Variants in HPCAL1 observed in about 807,000 individuals in gnomAD.
The protein encoded by HPCAL1 is hippocalcin-like protein 1.
HPCAL1 carries 8 observed loss-of-function variants against 17.1 expected under a neutral mutation model. The ratio of observed to expected loss-of-function variants is 0.47; its 90% CI spans 0.27 to 0.84. The LOEUF is 0.84. HPCAL1 is among the 40% of genes least tolerant of loss of function. The pLI is 0.13. For missense variants in HPCAL1, 165 were observed against 271.1 expected (o/e 0.61, Z 2.75); for synonymous variants, 112 against 111.4 (o/e 1.01, Z -0.03).
chr2:10,341,631 A>G (rs976036681), intron 1 of HPCAL1, among the ~76,000 whole-genome samples: 1 of 152,110 alleles, frequency 6.6e-6, no homozygotes, highest in Admixed American at 6.6e-5. Context: ...TCAGAAACCT[A>G]AACACGAGCC....
chr2:10,409,409 G>A (rs1330011408), intron 2 of HPCAL1, among the ~76,000 whole-genome samples: 1 of 152,170 alleles, frequency 6.6e-6, no homozygotes, highest in South Asian at 2.1e-4. Flanking sequence ...ATCACCCAGG[G>A]GCAAAACGGG....
intron 1 of HPCAL1, among the ~76,000 whole-genome samples, chr2:10,373,997 C>T (rs1272597457): frequency 6.6e-6 from 1 of 152,216 alleles, no homozygotes; most frequent in African/African-American, 2.4e-5. Context: ...AAAGTCCGTC[C>T]TGGCCAAGTC....
chr2:10,351,969 C>G (rs1665872132), intron 1 of HPCAL1, among the ~76,000 whole-genome samples: 1 of 149,018 alleles, frequency 6.7e-6, no homozygotes. Context: ...GTGGCGCGAT[C>G]TCAGCTCACT....
chr2:10,408,099 T>C (rs1670086636), intron 2 of HPCAL1, among the ~76,000 whole-genome samples: 1 of 152,236 alleles, frequency 6.6e-6, no homozygotes, highest in South Asian at 2.1e-4. Flanking sequence ...CCTCTTCCTG[T>C]CGCAGTAGCA....
rs1446584226 is a variant in HPCAL1 at position 10,409,066 on chromosome 2, AATGAG to A, written c.-24-10665_-24-10661del. ...ATGTAATCAAGAAAGAGAAAGTATT[AATGAG>A]ATATTTTATGTTGTTTTTTTTCATA... On this transcript the variant is annotated intron_variant, in intron 2 of 4. Coordinates refer to ENST00000307845, the MANE Select transcript of HPCAL1 (RefSeq NM_002149.4). Among the ~76,000 whole-genome samples the A allele has an allele frequency of 4.6e-5, 7 of 152,228 alleles. No individual in the cohort carries two copies. In the East Asian group the frequency reaches 1.2e-3, roughly 25 times the overall value.
chr2:10,329,712 C>T (rs1664237424), intron 1 of HPCAL1, among the ~76,000 whole-genome samples: 1 of 152,250 alleles, frequency 6.6e-6, no homozygotes, highest in African/African-American at 2.4e-5. Context: ...GTGATCCCTT[C>T]CCCTGCTTCT....
intron 1 of HPCAL1, among the ~76,000 whole-genome samples, chr2:10,337,878 C>T (rs796707368): frequency 7.9e-5 from 12 of 152,310 alleles, no homozygotes; most frequent in African/African-American, 2.6e-4. Context: ...GCAGTACCTC[C>T]GAGCCTGCCC....
At position 10,363,664 on chromosome 2, in the gene HPCAL1, T is replaced by C. The variant is rs948369570; in HGVS notation, c.-110-33171T>C. ...CCCAGACCTGCTGAAGCCAAATCTT[T>C]AGGGTGGGGCCAGGAATCTGCATTT... On this transcript the variant is annotated intron_variant, in intron 1 of 4. Coordinates refer to ENST00000307845, the MANE Select transcript of HPCAL1 (RefSeq NM_002149.4). The surrounding 1 kb of genome is among the most constrained non-coding windows in gnomAD (Gnocchi z 4.7). Among the ~76,000 whole-genome samples the C allele has an allele frequency of 6.6e-6, 1 of 152,044 alleles. No individual in the cohort carries two copies.
intron 1 of HPCAL1, among the ~76,000 whole-genome samples, chr2:10,340,600 C>T (rs1002301288): frequency 3.9e-5 from 6 of 152,176 alleles, no homozygotes; most frequent in African/African-American, 1.4e-4. Flanking sequence ...CTGAACTTTC[C>T]AGGGCCACGC....
At chr2:10,326,883 C>T (rs1664052532) in intron 1 of HPCAL1, among the ~76,000 whole-genome samples, 2 of 152,098 alleles carry the variant, frequency 1.3e-5, no homozygotes, top group Non-Finnish European at 2.9e-5. Flanking sequence ...TTGTCCTCCA[C>T]TCTCCCTAGA....
intron 1 of HPCAL1, among the ~76,000 whole-genome samples, chr2:10,383,075 G>A (rs1275746613): frequency 1.3e-5 from 2 of 152,178 alleles, no homozygotes; most frequent in Non-Finnish European, 2.9e-5. Flanking sequence ...TCTGCAACTA[G>A]TCAAAAGGTG....
At chr2:10,378,267 G>A (rs745541439) in intron 1 of HPCAL1, among the ~76,000 whole-genome samples, 22 of 140,672 alleles carry the variant, frequency 1.6e-4, no homozygotes, top group Non-Finnish European at 2.7e-4. Context: ...GAAGGGAGGT[G>A]TGGGACTCGT....
rs1671152048 is a variant in HPCAL1, at chr2:10,422,904, G to A, written c.379-79G>A. The A allele has an allele frequency of 3.0e-6, 3 of 987,124 alleles. No individual in the cohort carries two copies. The East Asian group carries it at 7.6e-5, about 25-fold the overall frequency. The allele number at this position is 987,124 out of a possible 1,614,324, so 61.1% of individuals were successfully genotyped here. ...CTGACCTCTCCGAGCCTTGTTGTGG[G>A]CTGGGCGGAAGCCCACCCTTGCTGC... On this transcript the variant is annotated intron_variant, in intron 3 of 4. Coordinates refer to ENST00000307845, the MANE Select transcript of HPCAL1 (RefSeq NM_002149.4).
chr2:10,315,653 TA>T (rs1663269019), intron 1 of HPCAL1, among the ~76,000 whole-genome samples: 1 of 152,214 alleles, frequency 6.6e-6, no homozygotes, highest in Non-Finnish European at 1.5e-5. Context: ...AATCCCTTAT[TA>T]AAATTTCTTC....
chr2:10,391,910 G>A (rs917368243), intron 1 of HPCAL1, among the ~76,000 whole-genome samples: 3 of 151,914 alleles, frequency 2.0e-5, no homozygotes, highest in Non-Finnish European at 4.4e-5. Context: ...CACCACACCC[G>A]GCTAATGTTT....
chr2:10,374,627 C>T (rs890743563), intron 1 of HPCAL1, among the ~76,000 whole-genome samples: 1 of 152,226 alleles, frequency 6.6e-6, no homozygotes, highest in Non-Finnish European at 1.5e-5. Context: ...GGGAGACAGA[C>T]ACGGGCGTAT....
At chr2:10,397,771 G>A (rs568471765) in intron 2 of HPCAL1, among the ~76,000 whole-genome samples, 8 of 152,264 alleles carry the variant, frequency 5.3e-5, no homozygotes, top group Non-Finnish European at 1.0e-4. Context: ...GGCTGCCCTC[G>A]GGTCTGGAGA....
At chr2:10,346,752 A>T (rs1665483725) in intron 1 of HPCAL1, among the ~76,000 whole-genome samples, 1 of 152,024 alleles carries the variant, frequency 6.6e-6, no homozygotes. Context: ...CAAAAACGAG[A>T]CTGTGAGAGC....
rs756557225 is a variant in HPCAL1 at position 10,419,768 on chromosome 2, A to G, written c.11A>G (p.Gln4Arg). The change falls in exon 3 of 5, where the codon CAG becomes CGG. Residue 4 changes from glutamine (Q) to arginine (R), a missense_variant. By Grantham distance (43) the Gln-to-Arg change is conservative (BLOSUM62 1). Coordinates refer to ENST00000307845, the MANE Select transcript of HPCAL1 (RefSeq NM_002149.4). The surrounding 1 kb of genome is among the most constrained non-coding windows in gnomAD (Gnocchi z 5.0). MGK[Q>R]NSKLRPEVLQ... ...CCGCCGCCAGCCGCCATGGGCAAACAGAACAGCAAGCTGCGGCCCGAGGTG... is the reference window on the plus strand; with the variant it reads ...CCGCCGCCAGCCGCCATGGGCAAACGGAACAGCAAGCTGCGGCCCGAGGTG... 1 of 1,609,868 alleles carries G rather than the reference A, an allele frequency of 6.2e-7. No individual in the cohort carries two copies. Among genetic ancestry groups the G allele is most frequent in the Non-Finnish European group, 8.5e-7 (1 of 1,177,530 alleles).
Sources: gnomAD v4.1 joint callset for allele counts (sites outside exome capture counted in the v4.1 genomes callset) on GRCh38, gnomAD v4.1.1 for gene constraint, Gnocchi (gnomAD v3.1) non-coding constraint, MANE v1.5 for transcripts, NCBI Gene and HGNC (gene_info 2026-07-23, HGNC 2026-07-21) for gene names.